KLHL11: variants seen among roughly 807,000 people sequenced by gnomAD.
The protein encoded by KLHL11 is kelch like family member 11.
In KLHL11, 26 loss-of-function variants were observed where a neutral mutation model predicts 56.1. That is an observed-to-expected ratio of 0.46 (90% CI 0.34 to 0.64). The LOEUF (loss-of-function observed/expected upper bound fraction) is 0.64. KLHL11 is among the 30% of genes least tolerant of loss of function. KLHL11 has a pLI of 0.01. For missense variants in KLHL11, 627 were observed against 919.4 expected (o/e 0.68, Z 4.11); for synonymous variants, 338 against 345.8 (o/e 0.98, Z 0.25).
chr17:41,864,638 G>C (rs2048425526), intron 1 of KLHL11, among the ~76,000 whole-genome samples, 188 bp downstream of exon 1: 2 of 152,226 alleles, frequency 1.3e-5, no homozygotes, highest in Admixed American at 1.3e-4. Flanking sequence ...GCCCTCGCCG[G>C]ACCTGATGGT....
At chr17:41,862,769 T>C (rs1047024128) in intron 1 of KLHL11, among the ~76,000 whole-genome samples, 4 of 152,166 alleles carry the variant, frequency 2.6e-5, no homozygotes, top group African/African-American at 9.7e-5. Context: ...CCCTTTTCTA[T>C]GTATACTCCT....
Position 41,850,336 on chromosome 17 carries a change from T to C in KLHL11, c.*3404A>G, listed in dbSNP as rs921969781. ...AGGACTTACCCCTTCTTTTCAGCCA[T>C]GGCCTAGGCTGCCTGCTAAGTTAAA... On this transcript the variant is annotated 3_prime_UTR_variant, in exon 2 of 2. Coordinates refer to ENST00000319121, the MANE Select transcript of KLHL11 (RefSeq NM_018143.3). The C allele has an allele frequency of 2.0e-5, 3 of 152,198 alleles. No homozygotes were observed. Among genetic ancestry groups the C allele is most frequent in the Non-Finnish European group, 4.4e-5 (3 of 68,014 alleles). The allele number at this position is 152,198 out of a possible 1,614,324, so 9.4% of individuals were successfully genotyped here. A position where few individuals can be genotyped will look rare whatever the true frequency, so the allele number is the denominator to read the frequency against.
At chr17:41,864,422 T>C (rs1555623332) in intron 1 of KLHL11, among the ~76,000 whole-genome samples, 3 of 152,242 alleles carry the variant, frequency 2.0e-5, no homozygotes, top group Admixed American at 1.3e-4. Context: ...TTGCGCTGTC[T>C]GGAATATTCA....
chr17:41,852,459 A>C lies in KLHL11; in HGVS notation c.*1281T>G, dbSNP rs1413520811. 6.6e-6 allele frequency among the ~76,000 whole-genome samples: 1 copy of C among 152,078 alleles called. No individual in the cohort carries two copies. The highest frequency in any genetic ancestry group is 1.5e-5 in the Non-Finnish European group (1 of 68,008). Reference sequence around the variant, plus strand: ...TTTAGCAACATTTCTCTAAATTGTGACTTCCTTCCCATTTTGGAAAAAAAC... The same window carrying C: ...TTTAGCAACATTTCTCTAAATTGTGCCTTCCTTCCCATTTTGGAAAAAAAC... On this transcript the variant is annotated 3_prime_UTR_variant, in exon 2 of 2. Transcript: ENST00000319121.
chr17:41,853,928 T>C lies in KLHL11; in HGVS notation c.1939A>G (p.Met647Val), dbSNP rs1418829710. Reference protein sequence around the residue: ...ERKRWMLLPPMPQPRCRATAC... With the variant: ...ERKRWMLLPPVPQPRCRATAC... ...GTGGCTCTACAACGAGGTTGTGGCA[T>C]AGGAGGAAGAAGCATCCACCTCTTC... Residue 647 changes from methionine to valine, a missense_variant, in exon 2 of 2, where the codon ATG becomes GTG. By Grantham distance (21) the Met-to-Val change is conservative. Transcript: ENST00000319121. 10 of 1,614,038 alleles carry C rather than the reference T, an allele frequency of 6.2e-6. No homozygotes were observed. The highest frequency in any genetic ancestry group is 1.1e-5 in the South Asian group (1 of 91,084).
Position 41,854,329 on chromosome 17 carries a change from T to G in KLHL11, c.1538A>C (p.Asp513Ala), listed in dbSNP as rs1184248627. ...CTTTAATCCATCTTCAGTGTCCCGGTCTACAGGAGTGCGGGCGGCAATGTA... is the reference window on the plus strand; with the variant it reads ...CTTTAATCCATCTTCAGTGTCCCGGGCTACAGGAGTGCGGGCGGCAATGTA... ...FVYIAARTPVDRDTEDGLKAV... is the reference protein window; with the variant it reads ...FVYIAARTPVARDTEDGLKAV... The change falls in exon 2 of 2, where the codon GAC (aspartate) becomes GCC (alanine). Residue 513 changes from aspartate to alanine, a missense_variant. Around this residue, in one of 4 missense-constraint regions of KLHL11, gnomAD observed 250 missense variants for 360.6 expected, o/e 0.69. Coordinates refer to ENST00000319121, the MANE Select transcript of KLHL11 (RefSeq NM_018143.3). The surrounding 1 kb of genome is among the most constrained non-coding windows in gnomAD (Gnocchi z 4.9). The G allele has an allele frequency of 1.2e-6, 2 of 1,614,084 alleles. No individual in the cohort carries two copies. Among genetic ancestry groups the G allele is most frequent in the Non-Finnish European group, 1.7e-6 (2 of 1,180,042 alleles).
At chr17:41,863,416 C>T (rs2048417422) in intron 1 of KLHL11, among the ~76,000 whole-genome samples, 3 of 152,106 alleles carry the variant, frequency 2.0e-5, no homozygotes, top group East Asian at 1.9e-4. Context: ...AGGCTGGTCT[C>T]GAACTCCTGA....
chr17:41,853,885 A>G lies in KLHL11; in HGVS notation c.1982T>C (p.Ile661Thr), dbSNP rs2048347016. ...RCRATACHVR[I>T]PYRYLHGTQR... Reference sequence around the variant, plus strand: ...TGTGCCATGCAAGTACCGGTATGGGATCCTCACGTGACAAGCAGTGGCTCT... The same window carrying G: ...TGTGCCATGCAAGTACCGGTATGGGGTCCTCACGTGACAAGCAGTGGCTCT... Residue 661 changes from isoleucine (I) to threonine (T), a missense_variant, in exon 2 of 2, where the codon ATC becomes ACC. Physicochemically the swap from Ile to Thr is moderately conservative, Grantham distance 89 (BLOSUM62 -1). Around this residue, in one of 4 missense-constraint regions of KLHL11, gnomAD observed 250 missense variants for 360.6 expected, o/e 0.69. Coordinates refer to ENST00000319121, the MANE Select transcript of KLHL11 (RefSeq NM_018143.3). 2 of 1,614,124 alleles carry G rather than the reference A, an allele frequency of 1.2e-6. No homozygotes were observed. Among genetic ancestry groups the G allele is most frequent in the East Asian group, 4.5e-5 (2 of 44,888 alleles).
intron 1 of KLHL11, 46 bp downstream of exon 1, chr17:41,864,780 C>T: frequency 1.4e-6 from 2 of 1,478,612 alleles, no homozygotes; most frequent in South Asian, 1.4e-5. Flanking sequence ...AGCATCTCCC[C>T]CTCTCCGCGC....
intron 1 of KLHL11, among the ~76,000 whole-genome samples, chr17:41,860,641 G>A (rs1284475261): frequency 6.6e-6 from 1 of 152,076 alleles, no homozygotes; most frequent in Non-Finnish European, 1.5e-5. Context: ...AGGTTTGAGT[G>A]AGTGCAATGA....
intron 1 of KLHL11, among the ~76,000 whole-genome samples, chr17:41,855,674 A>ATT (rs782123336): frequency 2.3e-5 from 3 of 132,444 alleles, no homozygotes; most frequent in Non-Finnish European, 3.3e-5. Flanking sequence ...CCCGGCCTAC[A>ATT]TTTTTTTTTT....
chr17:41,861,218 C>T (rs1233714617), intron 1 of KLHL11, among the ~76,000 whole-genome samples: 3 of 152,212 alleles, frequency 2.0e-5, no homozygotes, highest in Non-Finnish European at 2.9e-5. Flanking sequence ...AGGCTTTCCT[C>T]TCCTGGCTCT....
chr17:41,858,812 G>A (rs1171790269), intron 1 of KLHL11, among the ~76,000 whole-genome samples: 1 of 151,812 alleles, frequency 6.6e-6, no homozygotes, highest in Non-Finnish European at 1.5e-5. Context: ...TTAAACTCCT[G>A]AGCTCAAGCA....
In KLHL11 at chr17:41,853,699, G is replaced by C. The variant is rs782684163; in HGVS notation, c.*41C>G. 17 of 1,549,226 alleles carry C rather than the reference G, an allele frequency of 1.1e-5. No homozygotes were observed. The highest frequency in any genetic ancestry group is 1.5e-5 in the Non-Finnish European group (17 of 1,147,380). ...ACAGCCTGGGTATCTTCAGCTTCAC[G>C]AAACGGGTGTAACAGTTTTAATCGG... On this transcript the variant is annotated 3_prime_UTR_variant, in exon 2 of 2. Transcript: ENST00000319121.
chr17:41,860,973 A>G (rs1311877747), intron 1 of KLHL11, among the ~76,000 whole-genome samples: 2 of 152,208 alleles, frequency 1.3e-5, no homozygotes, highest in Admixed American at 6.5e-5. Context: ...GCATCTGTAG[A>G]GAAAATCTAC....
chr17:41,858,175 T>A (rs371900275), intron 1 of KLHL11, among the ~76,000 whole-genome samples: 5 of 151,042 alleles, frequency 3.3e-5, no homozygotes, highest in African/African-American at 1.2e-4. Flanking sequence ...TATCCAAACT[T>A]GTCTTTGCCA....
Position 41,854,535 on chromosome 17 carries a change from A to G in KLHL11, c.1332T>C (p.His444=). 3.7e-6 allele frequency: 6 copies of G among 1,614,190 alleles called. No homozygotes were observed. The highest frequency in any genetic ancestry group is 5.1e-6 in the Non-Finnish European group (6 of 1,180,022). The change falls in exon 2 of 2, where the codon CAT becomes CAC. Residue 444 remains histidine, a synonymous_variant. Transcript: ENST00000319121. The surrounding 1 kb of genome is among the most constrained non-coding windows in gnomAD (Gnocchi z 4.9). ...EHVCSLMTRK[H]SFGLTEVKGK... The stretch of plus-strand genomic sequence containing the variant: ...CTTTGACTTCTGTTAGTCCAAAAGA[A>G]TGCTTTCTTGTCATCAGACTACAAA...
intron 1 of KLHL11, among the ~76,000 whole-genome samples, chr17:41,857,537 T>G (rs1397747813): frequency 6.7e-6 from 1 of 149,988 alleles, no homozygotes; most frequent in East Asian, 1.9e-4. Context: ...TATAAAAATC[T>G]TATTTATATA....
intron 1 of KLHL11, among the ~76,000 whole-genome samples, chr17:41,858,768 G>A (rs2144159637): frequency 6.6e-6 from 1 of 151,570 alleles, no homozygotes; most frequent in African/African-American, 2.4e-5. Context: ...TTTTTTTGTA[G>A]AGACAAGGTT....
Sources: allele counts gnomAD v4.1 joint callset (sites outside exome capture counted in the v4.1 genomes callset), GRCh38; gene constraint gnomAD v4.1.1; regional missense constraint gnomAD v4.1.1; non-coding constraint Gnocchi (gnomAD v3.1); transcripts MANE v1.5; gene names NCBI Gene and HGNC (gene_info 2026-07-23, HGNC 2026-07-21).